RNF19A: variants seen among roughly 807,000 people sequenced by gnomAD.
RNF19A encodes the protein E3 ubiquitin-protein ligase RNF19A.
Under a neutral mutation model 75.7 loss-of-function variants are expected in RNF19A, and 32 were observed. The observed-to-expected ratio is 0.42, with a 90% CI of 0.32 to 0.57. The LOEUF is 0.57. Ranked by LOEUF, RNF19A falls within the 20% of genes least tolerant of loss-of-function variation. The pLI is 0.10. For missense variants in RNF19A, 782 were observed against 1,036.3 expected (o/e 0.75, Z 3.37); for synonymous variants, 335 against 345.2 (o/e 0.97, Z 0.33).
intron 1 of RNF19A, among the ~76,000 whole-genome samples, chr8:100,293,153 G>A (rs1821388402): frequency 6.6e-6 from 1 of 152,238 alleles, no homozygotes; most frequent in Non-Finnish European, 1.5e-5. Flanking sequence ...GCCTCCTGCT[G>A]CGTGGCCCAG....
At chr8:100,327,291 G>A (rs146797695) in intron 1 of RNF19A, among the ~76,000 whole-genome samples, 2,519 of 117,540 alleles carry the variant, frequency 0.021, 70 homozygotes, top group African/African-American at 0.08. Flanking sequence ...TCACTCTGTC[G>A]CCCAGGCTGG....
At position 100,257,859 on chromosome 8, in the gene RNF19A, T is replaced by C. The variant is rs1475560874; in HGVS notation, c.*697A>G. The C allele has an allele frequency of 2.5e-6, 1 of 395,684 alleles. No homozygotes were observed. Among genetic ancestry groups the C allele is most frequent in the Non-Finnish European group, 4.5e-6 (1 of 224,406 alleles). 24.5% of individuals were successfully genotyped at this position (395,684 alleles called of 1,614,324 possible). On this transcript the variant is annotated 3_prime_UTR_variant, in exon 10 of 10. Transcript: ENST00000341084. ...ATTTTGTAGTTTTATGTATCTTATTTGTTGCTGTCATATGCTTAATTACTT... is the reference window on the plus strand; with the variant it reads ...ATTTTGTAGTTTTATGTATCTTATTCGTTGCTGTCATATGCTTAATTACTT...
chr8:100,267,269 C>T (rs1252103299), intron 5 of RNF19A, among the ~76,000 whole-genome samples: 1 of 152,192 alleles, frequency 6.6e-6, no homozygotes, highest in Non-Finnish European at 1.5e-5. Flanking sequence ...TTTCCTAAAT[C>T]TCAATATTTT....
intron 5 of RNF19A, among the ~76,000 whole-genome samples, chr8:100,266,379 T>A (rs1333211557): frequency 6.6e-6 from 1 of 152,208 alleles, no homozygotes; most frequent in Non-Finnish European, 1.5e-5. Flanking sequence ...CTATAAATGA[T>A]TTATAGGTAC....
At chr8:100,273,140 T>G (rs927347108) in intron 3 of RNF19A, among the ~76,000 whole-genome samples, 1 of 152,206 alleles carries the variant, frequency 6.6e-6, no homozygotes, top group Non-Finnish European at 1.5e-5. Flanking sequence ...GTGCTGGGAT[T>G]ACAGGTGTGA....
chr8:100,287,514 C>T lies in RNF19A; in HGVS notation c.661G>A (p.Ala221Thr), dbSNP rs1821079574. 2 of 1,610,074 alleles carry T rather than the reference C, an allele frequency of 1.2e-6. No individual in the cohort carries two copies. Among genetic ancestry groups the T allele is most frequent in the East Asian group, 2.2e-5 (1 of 44,822 alleles). ...TTATCTTCTTACCCACAGTCTGGAGCTGGACACCACCTACAATCAGGATCT... is the reference window on the plus strand; with the variant it reads ...TTATCTTCTTACCCACAGTCTGGAGTTGGACACCACCTACAATCAGGATCT... ...VADPDCRWCP[A>T]PDCGYAVIAF... Residue 221 changes from alanine (A) to threonine (T), a missense_variant, in exon 2 of 10, where the codon GCT (alanine) becomes ACT (threonine). Ala to Thr is a moderately conservative substitution (Grantham distance 58). Coordinates refer to ENST00000341084, the MANE Select transcript of RNF19A (RefSeq NM_183419.4). The surrounding 1 kb of genome is among the most constrained non-coding windows in gnomAD (Gnocchi z 4.1).
In RNF19A at chr8:100,259,168, A is replaced by G; in HGVS notation, c.1905T>C (p.Ser635=). The G allele has an allele frequency of 6.2e-7, 1 of 1,614,148 alleles. No homozygotes were observed. The highest frequency in any genetic ancestry group is 8.5e-7 in the Non-Finnish European group (1 of 1,180,012). ...SKFRHNSGSS[S]VDDGSATRSH... ...TTCGGGTGGCACTGCCATCATCCACACTACTGCTTCCACTGTTGTGCCTGA... is the reference window on the plus strand; with the variant it reads ...TTCGGGTGGCACTGCCATCATCCACGCTACTGCTTCCACTGTTGTGCCTGA... Residue 635 remains serine, a synonymous_variant, in exon 10 of 10, where the codon AGT becomes AGC. Coordinates refer to ENST00000341084, the MANE Select transcript of RNF19A (RefSeq NM_183419.4). The surrounding 1 kb of genome is among the most constrained non-coding windows in gnomAD (Gnocchi z 4.5).
At chr8:100,328,442 T>C (rs926767304) in intron 1 of RNF19A, among the ~76,000 whole-genome samples, 13 of 152,058 alleles carry the variant, frequency 8.5e-5, no homozygotes, top group Non-Finnish European at 1.9e-4. Context: ...AGGAGAGGAC[T>C]TCTAGGCATT....
At chr8:100,316,650 T>A (rs1262623965) in intron 1 of RNF19A, among the ~76,000 whole-genome samples, 1 of 152,182 alleles carries the variant, frequency 6.6e-6, no homozygotes, top group East Asian at 1.9e-4. Context: ...TTACAATCCC[T>A]GAGCTAGACA....
chr8:100,316,241 C>T (rs896006147), intron 1 of RNF19A, among the ~76,000 whole-genome samples: 10 of 151,990 alleles, frequency 6.6e-5, no homozygotes, highest in Admixed American at 1.3e-4. Flanking sequence ...AGCAGACCTT[C>T]GCGGTGAGTG....
chr8:100,257,448 A>G lies in RNF19A; in HGVS notation c.*1108T>C, dbSNP rs368515029. On this transcript the variant is annotated 3_prime_UTR_variant, in exon 10 of 10. Coordinates refer to ENST00000341084, the MANE Select transcript of RNF19A (RefSeq NM_183419.4). ...GTCAGCTGAACATTGTCCATAAACA[A>G]AAGCAAAAGAAAATAATGCTAATCA... is the stretch of plus-strand genomic sequence containing the variant. 3 of 152,658 alleles carry G rather than the reference A, an allele frequency of 2.0e-5. No individual in the cohort carries two copies. The East Asian group carries it at 5.8e-4, about 29-fold the overall frequency. 9.5% of individuals were successfully genotyped at this position (152,658 alleles called of 1,614,324 possible).
In RNF19A at chr8:100,259,804, T is replaced by C. The variant is rs188655461; in HGVS notation, c.1826+50A>G. 70 of 1,501,994 alleles carry C rather than the reference T, an allele frequency of 4.7e-5. No homozygotes were observed. The highest frequency in any genetic ancestry group is 6.2e-5 in the Non-Finnish European group (68 of 1,095,714). 93.0% of individuals were successfully genotyped at this position (1,501,994 alleles called of 1,614,324 possible). On this transcript the variant is annotated intron_variant, in intron 9 of 9. Transcript: ENST00000341084. The surrounding 1 kb of genome is among the most constrained non-coding windows in gnomAD (Gnocchi z 4.5). ...GTAATTTGTCTAATGATAGGAATTA[T>C]TCCTTTAATTTAAAAAATACTTTCA...
intron 3 of RNF19A, among the ~76,000 whole-genome samples, chr8:100,271,918 C>T (rs1029278732): frequency 7.9e-5 from 12 of 152,076 alleles, no homozygotes; most frequent in Non-Finnish European, 1.5e-4. Context: ...CACCGTTCCC[C>T]GATATGAAAA....
In RNF19A at chr8:100,330,619, G is replaced by A. The variant is rs1822596851; in HGVS notation, c.-243+5489C>T. 6.6e-6 allele frequency among the ~76,000 whole-genome samples: 1 copy of A among 152,222 alleles called. No individual in the cohort carries two copies. The highest frequency in any genetic ancestry group is 2.4e-5 in the African/African-American group (1 of 41,450). On this transcript the variant is annotated intron_variant, in intron 1 of 3. Coordinates refer to the RNF19A transcript ENST00000519527. The surrounding 1 kb of genome is among the most constrained non-coding windows in gnomAD (Gnocchi z 4.1). ...AACACAGAAAAGTGGGTGTTGGGGA[G>A]GGTGGAGAAAGAGAACGAATATCCT...
At chr8:100,286,092 T>C (rs1821004443) in intron 2 of RNF19A, among the ~76,000 whole-genome samples, 1 of 152,230 alleles carries the variant, frequency 6.6e-6, no homozygotes. Flanking sequence ...GAAAACGTTA[T>C]GCAGGGGTCA....
At chr8:100,267,721 G>C (rs2132522060) in intron 5 of RNF19A, among the ~76,000 whole-genome samples, 1 of 148,410 alleles carries the variant, frequency 6.7e-6, no homozygotes, top group African/African-American at 2.5e-5. Flanking sequence ...TTGTTGCCTA[G>C]GATGGAGTGC....
chr8:100,317,288 G>A lies in RNF19A; in HGVS notation c.-242-3916C>T, dbSNP rs1822398632. Among the ~76,000 whole-genome samples the A allele has an allele frequency of 6.6e-6, 1 of 152,236 alleles. No homozygotes were observed. The highest frequency in any genetic ancestry group is 1.5e-5 in the Non-Finnish European group (1 of 68,032). ...AAATGCCGCCAAAGTGGGAGCCCAGGCAGAGGAGGTGCCGAGAGCAAGCGA... is the reference window on the plus strand; with the variant it reads ...AAATGCCGCCAAAGTGGGAGCCCAGACAGAGGAGGTGCCGAGAGCAAGCGA... On this transcript the variant is annotated intron_variant, in intron 1 of 3. Transcript: ENST00000519527. This position sits in a 1 kb window ranked among gnomAD's most constrained non-coding sequence, Gnocchi z 4.3.
chr8:100,310,827 T>C (rs1174058426), upstream of RNF19A, among the ~76,000 whole-genome samples: 1 of 152,216 alleles, frequency 6.6e-6, no homozygotes, highest in Non-Finnish European at 1.5e-5. Flanking sequence ...CATTCCTAAT[T>C]ACTTTAATCC....
intron 1 of RNF19A, among the ~76,000 whole-genome samples, chr8:100,315,155 G>A (rs926941432): frequency 6.6e-6 from 1 of 152,178 alleles, no homozygotes; most frequent in African/African-American, 2.4e-5. Context: ...AGGCATGGTG[G>A]CACACACCTG....
Sources: allele counts gnomAD v4.1 joint callset (sites outside exome capture counted in the v4.1 genomes callset), GRCh38; gene constraint gnomAD v4.1.1; non-coding constraint Gnocchi (gnomAD v3.1); transcripts MANE v1.5; gene names NCBI Gene and HGNC (gene_info 2026-07-23, HGNC 2026-07-21).